Variants in AKR1C2 observed in about 807,000 individuals in gnomAD.
AKR1C2 encodes the protein aldo-keto reductase family 1 member C2.
AKR1C2 carries 27 observed loss-of-function variants against 39.8 expected under a neutral mutation model. The observed-to-expected ratio is 0.68, with a 90% CI of 0.50 to 0.93. AKR1C2 has a LOEUF of 0.93. AKR1C2 is among the 40% of genes least tolerant of loss of function. The probability of loss-of-function intolerance (pLI) is 0.00; values close to 1 mark genes in which losing one functional copy is unlikely to be tolerated. For missense variants in AKR1C2, 263 were observed against 365.1 expected, an observed-to-expected ratio of 0.72 and a Z score of 2.28; for synonymous variants, 114 against 137.9, an observed-to-expected ratio of 0.83 and a Z score of 1.22.
At chr10:5,000,357 A>G (rs1837220270) in intron 3 of AKR1C2, 193 bp downstream of exon 3, 5 of 1,544,032 alleles carry the variant, frequency 3.2e-6, no homozygotes, top group African/African-American at 2.8e-5. Flanking sequence ...TCTTGTAGAC[A>G]TGCAATCACG....
intron 1 of AKR1C2, among the ~76,000 whole-genome samples, chr10:5,002,556 A>G (rs1327008385): frequency 9.7e-5 from 14 of 143,664 alleles, no homozygotes; most frequent in Non-Finnish European, 2.1e-4. Context: ...AATGGGGTTC[A>G]GCTCCATAAA....
rs574011341 is a variant in AKR1C2 at position 4,989,971 on chromosome 10, C to T, written c.*25G>A. On this transcript the variant is annotated 3_prime_UTR_variant, in exon 9 of 9. Transcript: ENST00000380753. ...ACCATCCACACGCAGGGCCTTCTGG[C>T]AGACCTCATGCAATGCCCTCCATGT... 1.8e-4 allele frequency: 294 copies of T among 1,593,716 alleles called. 1 individual carries two copies. In the South Asian group the frequency reaches 2.1e-3, roughly 11 times the overall value.
rs1400483500 is a variant in AKR1C2 at position 4,988,669 on chromosome 10, T to A, written c.*1327A>T. On this transcript the variant is annotated 3_prime_UTR_variant, in exon 9 of 9. Transcript: ENST00000380753. ...GAAGGAATCTCTGATGGGGTTAACA[T>A]GGCTACCAGAGTACGAATAGTGGAG... is the stretch of plus-strand genomic sequence containing the variant. 2 of 152,092 alleles carry A rather than the reference T, an allele frequency of 1.3e-5. No individual in the cohort carries two copies. Among genetic ancestry groups the A allele is most frequent in the African/African-American group, 4.8e-5 (2 of 41,400 alleles). The allele number at this position is 152,092 out of a possible 1,614,324, so 9.4% of individuals were successfully genotyped here.
At position 5,016,466 on chromosome 10, in the gene AKR1C2, A is replaced by G. The variant is rs1312896961; in HGVS notation, c.-88+1434T>C. Among the ~76,000 whole-genome samples the G allele has an allele frequency of 2.0e-5, 3 of 152,356 alleles. No homozygotes were observed. The East Asian group carries it at 5.8e-4, about 29-fold the overall frequency. ...AGTCAATAAATTTCAAAGCTCCGAA[A>G]TAATCTCTATTGACTCCATGTCTCA... is the stretch of plus-strand genomic sequence containing the variant. On this transcript the variant is annotated intron_variant, in intron 1 of 6. Coordinates refer to the AKR1C2 transcript ENST00000604507.
At chr10:5,004,368 T>C (rs1837355540), upstream of AKR1C2, among the ~76,000 whole-genome samples, 1 of 152,238 alleles carries the variant, frequency 6.6e-6, no homozygotes, top group Non-Finnish European at 1.5e-5. Context: ...CTTTTTTTCA[T>C]CAGCAAATTT....
At chr10:4,991,346 T>C (rs553492221) in intron 8 of AKR1C2, among the ~76,000 whole-genome samples, 54 of 152,162 alleles carry the variant, frequency 3.5e-4, no homozygotes, top group Middle Eastern at 3.4e-3. Flanking sequence ...AATGCTAAAT[T>C]GACAGGATCC....
chr10:5,012,252 T>C (rs1554774978), intron 1 of AKR1C2, among the ~76,000 whole-genome samples: 1 of 151,728 alleles, frequency 6.6e-6, no homozygotes. Context: ...TGCTTCAAGT[T>C]CTCCACAAAG....
At chr10:5,005,952 C>A (rs375475885), upstream of AKR1C2, 1 of 151,998 alleles carries the variant, frequency 6.6e-6, no homozygotes, top group South Asian at 2.1e-4. Context: ...AAAAAATATA[C>A]CTGAATGAAA....
At chr10:4,992,362 G>T (rs1450157165) in intron 7 of AKR1C2, among the ~76,000 whole-genome samples, 1 of 152,206 alleles carries the variant, frequency 6.6e-6, no homozygotes, top group Non-Finnish European at 1.5e-5. Context: ...GCCAATAATT[G>T]TCTAAATACT....
In AKR1C2 at chr10:4,988,452, AG is replaced by A. The variant is rs1836732572; in HGVS notation, c.*1543del. 1 of 152,214 alleles carries A rather than the reference AG, an allele frequency of 6.6e-6. No individual in the cohort carries two copies. The highest frequency in any genetic ancestry group is 6.5e-5 in the Admixed American group (1 of 15,268). The allele number at this position is 152,214 out of a possible 1,614,324, so 9.4% of individuals were successfully genotyped here. A position where few individuals can be genotyped will look rare whatever the true frequency, so the allele number is the denominator to read the frequency against. ...TTTTTTGGTGGATTTCTCAGCCTAG[AG>A]GTGATATTTAATGCAGAGAATATCT... On this transcript the variant is annotated 3_prime_UTR_variant, in exon 9 of 9. Coordinates refer to ENST00000380753, the MANE Select transcript of AKR1C2 (RefSeq NM_001393392.1).
At chr10:5,005,555 C>T (rs1554774321), upstream of AKR1C2, among the ~76,000 whole-genome samples, 1 of 151,872 alleles carries the variant, frequency 6.6e-6, no homozygotes, top group Admixed American at 6.6e-5. Flanking sequence ...TGGTGGTGAG[C>T]ACCTGTAGTC....
upstream of AKR1C2, chr10:5,004,105 T>G (rs1554774173): frequency 3.2e-6 from 1 of 307,702 alleles, no homozygotes; most frequent in Non-Finnish European, 6.0e-6. Flanking sequence ...TCTCTATATA[T>G]GAGACATAAA....
At chr10:4,990,095 G>A (rs1836782607) in intron 8 of AKR1C2, 57 bp from the exon 9 acceptor site, 6 of 1,605,032 alleles carry the variant, frequency 3.7e-6, no homozygotes, top group Non-Finnish European at 5.1e-6. Flanking sequence ...TTACTAGCCC[G>A]TAGCGCAGTG....
rs1836765935 is a variant in AKR1C2 at position 4,989,534 on chromosome 10, C to G, written c.*462G>C. The G allele has an allele frequency of 6.1e-6, 1 of 163,198 alleles. No individual in the cohort carries two copies. Among genetic ancestry groups the G allele is most frequent in the Non-Finnish European group, 1.3e-5 (1 of 76,788 alleles). 10.1% of individuals were successfully genotyped at this position (163,198 alleles called of 1,614,324 possible). ...GAATTGCTAGTCAATATCGCTCATC[C>G]TCTAGACTCCATCCTGCGTGTGCTT... On this transcript the variant is annotated 3_prime_UTR_variant, in exon 9 of 9. Transcript: ENST00000380753.
intron 1 of AKR1C2, among the ~76,000 whole-genome samples, chr10:5,016,402 G>A (rs1443202903): frequency 6.6e-6 from 1 of 152,128 alleles, no homozygotes; most frequent in Non-Finnish European, 1.5e-5. Context: ...CCAAACAAAG[G>A]GGCTACAGGC....
intron 1 of AKR1C2, among the ~76,000 whole-genome samples, chr10:5,012,009 G>T (rs1212026438): frequency 6.6e-6 from 1 of 152,114 alleles, no homozygotes. Flanking sequence ...CAATGCTGGA[G>T]TTCTCTGCAT....
chr10:5,013,292 G>A (rs1245456180), intron 1 of AKR1C2: 6 of 152,018 alleles, frequency 3.9e-5, no homozygotes, highest in Non-Finnish European at 5.9e-5. Flanking sequence ...TTTATGAAAC[G>A]ATTCTGATTC....
chr10:4,988,051 G>A lies in AKR1C2; in HGVS notation c.*1945C>T, dbSNP rs1836720045. On this transcript the variant is annotated 3_prime_UTR_variant, in exon 9 of 9. Coordinates refer to ENST00000380753, the MANE Select transcript of AKR1C2 (RefSeq NM_001393392.1). ...GAGTTTTATAAAAATGGATGGTGAAGAACTGGAAAAAGCCCACAGCAGCCG... is the reference window on the plus strand; with the variant it reads ...GAGTTTTATAAAAATGGATGGTGAAAAACTGGAAAAAGCCCACAGCAGCCG... 6.6e-6 allele frequency: 1 copy of A among 151,676 alleles called. No individual in the cohort carries two copies. Among genetic ancestry groups the A allele is most frequent in the African/African-American group, 2.4e-5 (1 of 41,250 alleles). 9.4% of individuals were successfully genotyped at this position (151,676 alleles called of 1,614,324 possible).
chr10:4,994,444 C>A (rs183185753), intron 7 of AKR1C2, among the ~76,000 whole-genome samples: 10 of 152,052 alleles, frequency 6.6e-5, no homozygotes, highest in Non-Finnish European at 1.3e-4. Flanking sequence ...TTTCCCCACC[C>A]CTTGAGTCTG....
Sources: gnomAD v4.1 joint callset for allele counts (sites outside exome capture counted in the v4.1 genomes callset) on GRCh38, gnomAD v4.1.1 for gene constraint, MANE v1.5 for transcripts, NCBI Gene and HGNC (gene_info 2026-07-23, HGNC 2026-07-21) for gene names.